The following RABEP1 variants were observed in gnomAD, a reference collection of about 807,000 sequenced individuals.
RABEP1 encodes rabaptin, RAB GTPase binding effector protein 1.
RABEP1 carries 51 observed loss-of-function variants against 123.4 expected under a neutral mutation model. The ratio of observed to expected loss-of-function variants is 0.41; its 90% CI spans 0.33 to 0.52. The LOEUF (loss-of-function observed/expected upper bound fraction) is 0.52, where lower values mean the gene tolerates loss of function less well. Ranked by LOEUF, RABEP1 falls within the 20% of genes least tolerant of loss-of-function variation. RABEP1 has a pLI of 0.16. For synonymous variants in RABEP1, 347 were observed against 355.2 expected, an observed-to-expected ratio of 0.98 and a Z score of 0.26; for missense variants, 888 against 996.3, an observed-to-expected ratio of 0.89 and a Z score of 1.46.
At chr17:5,322,247 A>T (rs551905425) in intron 2 of RABEP1, among the ~76,000 whole-genome samples, 123 of 152,126 alleles carry the variant, frequency 8.1e-4, no homozygotes, top group Non-Finnish European at 1.4e-3. Flanking sequence ...AGTCCCAGCT[A>T]CTTGGGAGGC....
At chr17:5,302,659 C>T (rs1032215476) in intron 1 of RABEP1, among the ~76,000 whole-genome samples, 25 of 145,232 alleles carry the variant, frequency 1.7e-4, no homozygotes, top group African/African-American at 6.2e-4. Flanking sequence ...ACCTCCCAGG[C>T]GCAAGCGACA....
chr17:5,361,070 GT>G (rs1909480388), intron 8 of RABEP1, 137 bp from the exon 9 acceptor site: 1 of 766,296 alleles, frequency 1.3e-6, no homozygotes, highest in African/African-American at 1.8e-5. Context: ...GACACTTAGT[GT>G]TTGTTCAATG....
rs1306921864 is a variant in RABEP1 at position 5,299,744 on chromosome 17, TTTTG to T, written c.35-8949_35-8946del. On this transcript the variant is annotated intron_variant, in intron 1 of 17. Transcript: ENST00000537505. ...CTTTTTCTTTTTCTTTTTTTTTTTT[TTTTG>T]GAGGCAGAGTCTCTCCTTGTCGCCA... is the stretch of plus-strand genomic sequence containing the variant. Among the ~76,000 whole-genome samples the T allele has an allele frequency of 3.6e-3, 479 of 132,952 alleles. 47 individuals are homozygous for T. Among genetic ancestry groups the T allele is most frequent in the East Asian group, 0.025 (105 of 4,256 alleles). 87.2% of individuals were successfully genotyped at this position (132,952 alleles called of 152,430 possible). A position where few individuals can be genotyped will look rare whatever the true frequency, so the allele number is the denominator to read the frequency against.
At chr17:5,337,882 A>G in intron 4 of RABEP1, 137 bp from the exon 5 acceptor site, 1 of 794,162 alleles carries the variant, frequency 1.3e-6, no homozygotes, top group Non-Finnish European at 1.8e-6. Context: ...GTTAGACATT[A>G]GTTCAGTTTT....
At chr17:5,358,628 G>GC (rs1909231894) in intron 8 of RABEP1, among the ~76,000 whole-genome samples, 1 of 151,266 alleles carries the variant, frequency 6.6e-6, no homozygotes, top group Non-Finnish European at 1.5e-5. Context: ...CTGAGAATGC[G>GC]CCACTGCACT....
chr17:5,337,937 T>G (rs1907244815), intron 4 of RABEP1, 82 bp from the exon 5 acceptor site: 3 of 1,431,248 alleles, frequency 2.1e-6, no homozygotes, highest in Non-Finnish European at 1.9e-6. Flanking sequence ...GTTATAATAA[T>G]TTTTAGCAAA....
At chr17:5,326,652 G>C (rs1358083559) in intron 2 of RABEP1, among the ~76,000 whole-genome samples, 2 of 152,280 alleles carry the variant, frequency 1.3e-5, no homozygotes, top group Admixed American at 6.5e-5. Flanking sequence ...ATGATAGTGT[G>C]CCAGTGTGGG....
chr17:5,381,064 A>G (rs1911407701), intron 16 of RABEP1, among the ~76,000 whole-genome samples: 1 of 152,094 alleles, frequency 6.6e-6, no homozygotes, highest in African/African-American at 2.4e-5. Flanking sequence ...TCCTGTATGT[A>G]TCCCTGTTGG....
intron 4 of RABEP1, among the ~76,000 whole-genome samples, chr17:5,337,566 G>T (rs1334795345): frequency 6.6e-6 from 1 of 152,024 alleles, no homozygotes; most frequent in Non-Finnish European, 1.5e-5. Flanking sequence ...GGTGGCAGGC[G>T]CCTGTAGTCC....
At chr17:5,370,834 T>A (rs894939712) in intron 12 of RABEP1, among the ~76,000 whole-genome samples, 1 of 152,172 alleles carries the variant, frequency 6.6e-6, no homozygotes, top group Non-Finnish European at 1.5e-5. Flanking sequence ...AAGGCCAACA[T>A]TTCTTTGTAG....
intron 2 of RABEP1, among the ~76,000 whole-genome samples, chr17:5,320,432 A>AG (rs964999453): frequency 6.7e-6 from 1 of 148,408 alleles, no homozygotes; most frequent in Non-Finnish European, 1.5e-5. Context: ...AAAAAAAAAA[A>AG]AAAAAAAAAA....
Position 5,386,186 on chromosome 17 carries a change from T to C in RABEP1, c.*2963T>C. The C allele has an allele frequency of 6.2e-7, 1 of 1,600,020 alleles. No homozygotes were observed. Among genetic ancestry groups the C allele is most frequent in the Non-Finnish European group, 8.6e-7 (1 of 1,169,038 alleles). On this transcript the variant is annotated 3_prime_UTR_variant, in exon 18 of 18. Transcript: ENST00000537505. ...CCTTCAATGGTGTTCAGTTCAGGTG[T>C]GAGTCAGCTCCTGGTGGTGTCAGAA...
chr17:5,377,123 G>A lies in RABEP1; in HGVS notation c.2033G>A (p.Arg678Gln), dbSNP rs766516222. 8.1e-6 allele frequency: 13 copies of A among 1,596,222 alleles called. 1 individual carries two copies. The highest frequency in any genetic ancestry group is 1.2e-5 in the South Asian group (1 of 86,656). The change falls in exon 14 of 18, where the codon CGG (arginine) becomes CAG (glutamine). Residue 678 changes from arginine to glutamine, a missense_variant. Coordinates refer to ENST00000537505, the MANE Select transcript of RABEP1 (RefSeq NM_004703.6). The stretch of plus-strand genomic sequence containing the variant: ...TTTGTTTCTTGAATCCAGGCACTGC[G>A]GGAGTTGGTATTAAAATACCGTGAG... Reference protein sequence around the residue: ...FILPDTTEALRELVLKYREDI... With the variant: ...FILPDTTEALQELVLKYREDI...
At position 5,373,470 on chromosome 17, in the gene RABEP1, C is replaced by T. The variant is rs1431151936; in HGVS notation, c.2025+16C>T. ...CACTACAGAGGTAACTTACTTTCCA[C>T]ATGATCAAAAATGTCAACAAGTACG... On this transcript the variant is annotated intron_variant, in intron 13 of 17. Coordinates refer to ENST00000537505, the MANE Select transcript of RABEP1 (RefSeq NM_004703.6). 2 of 1,582,398 alleles carry T rather than the reference C, an allele frequency of 1.3e-6. No homozygotes were observed. Among genetic ancestry groups the T allele is most frequent in the African/African-American group, 1.4e-5 (1 of 73,452 alleles).
At chr17:5,347,410 AAAAC>A (rs72095260) in intron 6 of RABEP1, among the ~76,000 whole-genome samples, 35,269 of 150,124 alleles carry the variant, frequency 0.23, 4,576 homozygotes, top group East Asian at 0.43. Context: ...ACTTCATCTC[AAAAC>A]AAACAAACAA....
At chr17:5,331,393 G>A (rs1262762664) in intron 2 of RABEP1, among the ~76,000 whole-genome samples, 2 of 151,996 alleles carry the variant, frequency 1.3e-5, no homozygotes, top group African/African-American at 4.8e-5. Flanking sequence ...TTTGAAGTTA[G>A]TTTGGCCAAA....
chr17:5,379,330 C>T (rs1010380032), intron 15 of RABEP1, among the ~76,000 whole-genome samples: 7 of 152,184 alleles, frequency 4.6e-5, no homozygotes, highest in South Asian at 2.1e-4. Context: ...TGAGTATCTC[C>T]GACTTTTCCA....
At chr17:5,296,390 A>G (rs1323583915) in intron 1 of RABEP1, among the ~76,000 whole-genome samples, 1 of 152,030 alleles carries the variant, frequency 6.6e-6, no homozygotes, top group Non-Finnish European at 1.5e-5. Flanking sequence ...CAGCCTCCCA[A>G]GTAGCTGGGA....
intron 1 of RABEP1, among the ~76,000 whole-genome samples, chr17:5,298,891 G>A (rs1050622337): frequency 1.3e-5 from 2 of 152,004 alleles, no homozygotes; most frequent in African/African-American, 4.8e-5. Flanking sequence ...TCCTGACCTC[G>A]TGATCCGCCC....
Sources: allele counts gnomAD v4.1 joint callset (sites outside exome capture counted in the v4.1 genomes callset), GRCh38; gene constraint gnomAD v4.1.1; transcripts MANE v1.5; gene names NCBI Gene and HGNC (gene_info 2026-07-23, HGNC 2026-07-21).